The following TEX36 variants were observed in gnomAD, a reference collection of about 807,000 sequenced individuals.
TEX36 encodes testis-expressed protein 36.
In TEX36, 12 loss-of-function variants were observed where a neutral mutation model predicts 13.6. That is an observed-to-expected ratio of 0.88 (90% confidence interval 0.56 to 1.43). The LOEUF is 1.43. Ranked by LOEUF, TEX36 falls within the 40% of genes most tolerant of loss-of-function variation. The probability of loss-of-function intolerance (pLI) is 0.00; values close to 1 mark genes in which losing one functional copy is unlikely to be tolerated. For missense variants in TEX36, 224 were observed against 228.3 expected (o/e 0.98, Z 0.12); for synonymous variants, 93 against 83.0 (o/e 1.12, Z -0.65).
chr10:125,582,195 G>A (rs1049289500), intron 3 of TEX36, among the ~76,000 whole-genome samples: 6 of 152,194 alleles, frequency 3.9e-5, no homozygotes, highest in Admixed American at 3.3e-4. Context: ...CCCTCAGGGA[G>A]GGCTGGCAGC....
intron 3 of TEX36, among the ~76,000 whole-genome samples, chr10:125,602,009 C>G (rs1389184995): frequency 6.6e-6 from 1 of 152,244 alleles, no homozygotes; most frequent in East Asian, 1.9e-4. Context: ...AGCAGGGAGG[C>G]GAACAGATTT....
chr10:125,627,744 T>C (rs41376744), intron 3 of TEX36, among the ~76,000 whole-genome samples: 3,912 of 152,246 alleles, frequency 0.026, 87 homozygotes, highest in African/African-American at 0.059. Context: ...GTTTTATCCT[T>C]GAGAAACATC....
intron 3 of TEX36, among the ~76,000 whole-genome samples, chr10:125,580,351 T>C (rs1476624867): frequency 6.6e-6 from 1 of 152,232 alleles, no homozygotes; most frequent in African/African-American, 2.4e-5. Flanking sequence ...TGCTCTTTTG[T>C]GGTAGTACCC....
chr10:125,621,186 C>T (rs1444670705), downstream of TEX36, among the ~76,000 whole-genome samples: 1 of 152,088 alleles, frequency 6.6e-6, no homozygotes, highest in Non-Finnish European at 1.5e-5. Context: ...TATAGAATAG[C>T]TATCCAAAGA....
chr10:125,663,543 C>T (rs1260727221), intron 1 of TEX36, among the ~76,000 whole-genome samples: 2 of 152,184 alleles, frequency 1.3e-5, no homozygotes, highest in Non-Finnish European at 2.9e-5. Flanking sequence ...CTTCTCTCCC[C>T]ATCCTCGCCA....
downstream of TEX36, among the ~76,000 whole-genome samples, chr10:125,653,576 T>C (rs1407283033): frequency 6.6e-6 from 1 of 152,016 alleles, no homozygotes; most frequent in Non-Finnish European, 1.5e-5. Flanking sequence ...ACATGGCACA[T>C]GCATACATAT....
intron 1 of TEX36, among the ~76,000 whole-genome samples, chr10:125,679,152 C>G (rs1033245139): frequency 1.4e-5 from 2 of 147,154 alleles, no homozygotes; most frequent in South Asian, 2.2e-4. Context: ...CCCCCGCCCC[C>G]GCCAAGCTGA....
At chr10:125,595,437 C>G (rs576199944) in intron 3 of TEX36, among the ~76,000 whole-genome samples, 34 of 152,360 alleles carry the variant, frequency 2.2e-4, no homozygotes, top group Admixed American at 2.0e-3. Context: ...GCTAATCTCT[C>G]TGTTGCCATT....
At chr10:125,590,155 C>T (rs970791896) in intron 3 of TEX36, among the ~76,000 whole-genome samples, 4 of 152,012 alleles carry the variant, frequency 2.6e-5, no homozygotes, top group African/African-American at 9.7e-5. Flanking sequence ...TGCTCTGTCG[C>T]ACAGGCTGGA....
At chr10:125,666,952 G>T in intron 1 of TEX36, 1 of 852,810 alleles carries the variant, frequency 1.2e-6, no homozygotes, top group South Asian at 1.7e-5. Flanking sequence ...TACTTTCCTT[G>T]ACAGGCCAGG....
At chr10:125,645,309 G>T (rs1011238743) in intron 3 of TEX36, among the ~76,000 whole-genome samples, 2 of 152,126 alleles carry the variant, frequency 1.3e-5, no homozygotes, top group South Asian at 2.1e-4. Context: ...AGAGGTGATT[G>T]GGTTATAAGG....
At position 125,590,084 on chromosome 10, in the gene TEX36, A is replaced by G. The variant is rs140604235; in HGVS notation, c.265-13210T>C. Among the ~76,000 whole-genome samples, 18 of 152,272 alleles carry G rather than the reference A, an allele frequency of 1.2e-4. No individual in the cohort carries two copies. In the East Asian group the frequency reaches 3.3e-3, roughly 28 times the overall value. ...TTACACGACCTTGGACAAGTCTGTT[A>G]ATGTCTCTCAGCCTCATTCTCTCTC... is the stretch of plus-strand genomic sequence containing the variant. On this transcript the variant is annotated intron_variant, in intron 3 of 3. Transcript: ENST00000532135.
At chr10:125,577,171 G>A (rs912047471) in intron 3 of TEX36, among the ~76,000 whole-genome samples, 8 of 152,138 alleles carry the variant, frequency 5.3e-5, no homozygotes, top group African/African-American at 1.7e-4. Flanking sequence ...AGTTTTCCAG[G>A]AGGTCTCAGG....
At chr10:125,656,336 A>G (rs1376283241) in intron 3 of TEX36, 140 bp from the exon 4 acceptor site, 5 of 736,640 alleles carry the variant, frequency 6.8e-6, no homozygotes, top group Non-Finnish European at 9.6e-6. Flanking sequence ...AGCTCACTGC[A>G]GCCTCTGCCT....
chr10:125,612,766 C>T (rs553529401), intron 3 of TEX36, among the ~76,000 whole-genome samples: 21 of 151,304 alleles, frequency 1.4e-4, no homozygotes, highest in Non-Finnish European at 2.9e-5. Context: ...TTGTTTATCA[C>T]ATCCGCTAAA....
chr10:125,670,384 A>G (rs1002457731), intron 1 of TEX36, among the ~76,000 whole-genome samples: 8 of 152,202 alleles, frequency 5.3e-5, no homozygotes, highest in Non-Finnish European at 7.3e-5. Flanking sequence ...TTGGCCGCAT[A>G]AATGTCTTCT....
chr10:125,583,838 CAA>C (rs2133524494), intron 3 of TEX36, among the ~76,000 whole-genome samples: 1 of 152,266 alleles, frequency 6.6e-6, no homozygotes, highest in South Asian at 2.1e-4. Flanking sequence ...AGATCATTTG[CAA>C]AGAGTCTGAT....
chr10:125,665,807 T>C (rs1307957296), intron 1 of TEX36, among the ~76,000 whole-genome samples: 1 of 152,210 alleles, frequency 6.6e-6, no homozygotes, highest in Non-Finnish European at 1.5e-5. Context: ...ATATGGTCAT[T>C]TTAATGATGT....
downstream of TEX36, among the ~76,000 whole-genome samples, chr10:125,655,129 A>G (rs1846917935): frequency 6.6e-6 from 1 of 152,194 alleles, no homozygotes; most frequent in Non-Finnish European, 1.5e-5. Flanking sequence ...GAATTCCAAG[A>G]CACATTATTA....
Sources: allele counts gnomAD v4.1 joint callset (sites outside exome capture counted in the v4.1 genomes callset), GRCh38; gene constraint gnomAD v4.1.1; transcripts MANE v1.5; gene names NCBI Gene and HGNC (gene_info 2026-07-23, HGNC 2026-07-21).